The following MFHAS1 variants were observed in gnomAD, a reference collection of about 807,000 sequenced individuals.
MFHAS1 encodes multifunctional ROCO family signaling regulator 1.
In MFHAS1, 50 loss-of-function variants were observed where a neutral mutation model predicts 70.4. The ratio of observed to expected loss-of-function variants is 0.71; its 90% CI spans 0.57 to 0.90. The LOEUF (loss-of-function observed/expected upper bound fraction) is 0.90, where lower values mean the gene tolerates loss of function less well. MFHAS1 is among the 40% of genes least tolerant of loss of function. The pLI is 0.00. For synonymous variants in MFHAS1, 952 were observed against 620.0 expected (o/e 1.54, Z -7.96); for missense variants, 1,795 against 1,347.6 (o/e 1.33, Z -5.20).
Position 8,828,517 on chromosome 8 carries a change from G to A in MFHAS1, c.2999-31026C>T, listed in dbSNP as rs1479191144. On this transcript the variant is annotated intron_variant, in intron 1 of 2. Coordinates refer to ENST00000276282, the MANE Select transcript of MFHAS1 (RefSeq NM_004225.3). ...TCACAGAAAGAAGGTAACAGCCCGG[G>A]CCCTAGTCCACATTGCTCACACCAT... Among the ~76,000 whole-genome samples the A allele has an allele frequency of 2.0e-5, 3 of 152,156 alleles. No homozygotes were observed. In the East Asian group the frequency reaches 5.8e-4, roughly 29 times the overall value.
At chr8:8,840,981 T>G (rs1807800090) in intron 1 of MFHAS1, among the ~76,000 whole-genome samples, 1 of 152,200 alleles carries the variant, frequency 6.6e-6, no homozygotes, top group Non-Finnish European at 1.5e-5. Flanking sequence ...AACTATGACA[T>G]TGTATGTAAA....
Position 8,891,278 on chromosome 8 carries a change from G to A in MFHAS1, c.1781C>T (p.Ala594Val). Residue 594 changes from alanine to valine, a missense_variant, in exon 1 of 3, where the codon GCC becomes GTC. By Grantham distance (64) the Ala-to-Val change is moderately conservative (BLOSUM62 0). Coordinates refer to ENST00000276282, the MANE Select transcript of MFHAS1 (RefSeq NM_004225.3). This position sits in a 1 kb window ranked among gnomAD's most constrained non-coding sequence, Gnocchi z 5.4. The part of the protein sequence containing the change: ...FELRSASPHA[A>V]YYGVSDKNLR... ...GTTCTTGTCCGAAACGCCATAGTAG[G>A]CTGCGTGGGGGCTGGCAGAGCGCAG... The A allele has an allele frequency of 6.2e-7, 1 of 1,611,878 alleles. No individual in the cohort carries two copies. The highest frequency in any genetic ancestry group is 8.5e-7 in the Non-Finnish European group (1 of 1,180,036).
Position 8,893,536 on chromosome 8 carries a change from G to C in MFHAS1, c.-478C>G, listed in dbSNP as rs1810187233. On this transcript the variant is annotated 5_prime_UTR_variant, in exon 1 of 3. Coordinates refer to ENST00000276282, the MANE Select transcript of MFHAS1 (RefSeq NM_004225.3). ...GGGCTGGGGCGCAGCCGCGGGGAGG[G>C]GGCGGCGGCGCCTCCTTGTCTCCGT... The C allele has an allele frequency of 6.8e-6, 1 of 146,522 alleles. No individual in the cohort carries two copies. Among genetic ancestry groups the C allele is most frequent in the Non-Finnish European group, 1.5e-5 (1 of 65,768 alleles). The allele number at this position is 146,522 out of a possible 1,614,324, so 9.1% of individuals were successfully genotyped here. A position where few individuals can be genotyped will look rare whatever the true frequency, so the allele number is the denominator to read the frequency against.
intron 2 of MFHAS1, among the ~76,000 whole-genome samples, chr8:8,790,104 G>A (rs1028354232): frequency 6.6e-6 from 1 of 152,142 alleles, no homozygotes; most frequent in African/African-American, 2.4e-5. Context: ...TAAGATCACT[G>A]TCTATGCAAT....
intron 1 of MFHAS1, among the ~76,000 whole-genome samples, chr8:8,814,414 C>T (rs986543478): frequency 3.3e-5 from 5 of 152,174 alleles, no homozygotes; most frequent in African/African-American, 4.8e-5. Flanking sequence ...TAGGCTAGAC[C>T]ATCTAGGTTT....
chr8:8,804,177 T>A (rs1371946955), intron 1 of MFHAS1, among the ~76,000 whole-genome samples: 1 of 152,116 alleles, frequency 6.6e-6, no homozygotes, highest in Non-Finnish European at 1.5e-5. Context: ...TATCCTAAGG[T>A]ATGGTTCCAA....
intron 1 of MFHAS1, among the ~76,000 whole-genome samples, chr8:8,887,500 CAA>C (rs572080938): frequency 2.7e-5 from 4 of 150,242 alleles, no homozygotes; most frequent in African/African-American, 9.7e-5. Context: ...CAAAAAAAAA[CAA>C]AAAGACTATA....
rs200216891 is a variant in MFHAS1, at chr8:8,845,515, T to C, written c.2998+44546A>G. 6.6e-5 allele frequency among the ~76,000 whole-genome samples: 10 copies of C among 152,328 alleles called. No individual in the cohort carries two copies. The East Asian group carries it at 1.5e-3, about 23-fold the overall frequency. ...CGGAAACAGGTTCTCAATGAGACAC[T>C]TATAATTTCATTAAATGGCCTTTGA... On this transcript the variant is annotated intron_variant, in intron 1 of 2. Coordinates refer to ENST00000276282, the MANE Select transcript of MFHAS1 (RefSeq NM_004225.3).
chr8:8,830,055 T>C (rs545292428), intron 1 of MFHAS1, among the ~76,000 whole-genome samples: 3 of 152,268 alleles, frequency 2.0e-5, no homozygotes, highest in East Asian at 1.9e-4. Context: ...AGGTCGAAGC[T>C]GCTAGTCCAG....
chr8:8,839,417 G>C (rs1807721278), intron 1 of MFHAS1, among the ~76,000 whole-genome samples: 4 of 152,176 alleles, frequency 2.6e-5, no homozygotes, highest in Non-Finnish European at 5.9e-5. Context: ...TAAAGAGCCA[G>C]ACTATCCTTT....
At chr8:8,870,840 C>T (rs2116908480) in intron 1 of MFHAS1, among the ~76,000 whole-genome samples, 1 of 152,380 alleles carries the variant, frequency 6.6e-6, no homozygotes, top group East Asian at 1.9e-4. Context: ...TGGCTGGTCA[C>T]TGCCAATCCC....
intron 1 of MFHAS1, among the ~76,000 whole-genome samples, chr8:8,852,352 T>C (rs1209830910): frequency 2.0e-5 from 3 of 152,068 alleles, no homozygotes; most frequent in East Asian, 3.9e-4. Context: ...CATGCACCTG[T>C]AATCCCAGCT....
intron 1 of MFHAS1, among the ~76,000 whole-genome samples, chr8:8,841,718 C>A (rs1807833745): frequency 6.6e-6 from 1 of 152,136 alleles, no homozygotes; most frequent in Non-Finnish European, 1.5e-5. Context: ...CCTGGTTATA[C>A]TCTTCCCTGC....
intron 1 of MFHAS1, among the ~76,000 whole-genome samples, chr8:8,839,381 G>T (rs1240511031): frequency 6.6e-6 from 1 of 152,166 alleles, no homozygotes; most frequent in Non-Finnish European, 1.5e-5. Flanking sequence ...ACTGTAAAGT[G>T]TTATATATTT....
chr8:8,838,982 A>T (rs1165171341), intron 1 of MFHAS1, among the ~76,000 whole-genome samples: 1 of 152,168 alleles, frequency 6.6e-6, no homozygotes, highest in African/African-American at 2.4e-5. Context: ...TCCACTCTAT[A>T]CATGTGAAAG....
intron 2 of MFHAS1, among the ~76,000 whole-genome samples, chr8:8,791,244 C>G (rs911885923): frequency 6.6e-6 from 1 of 151,112 alleles, no homozygotes; most frequent in South Asian, 2.1e-4. Flanking sequence ...CAGACAGATA[C>G]GGTATCGCTG....
intron 1 of MFHAS1, among the ~76,000 whole-genome samples, chr8:8,859,273 G>A (rs752175045): frequency 4.6e-5 from 7 of 152,222 alleles, no homozygotes; most frequent in Non-Finnish European, 1.0e-4. Flanking sequence ...GAACCCAGGA[G>A]GTGGAAGTTG....
intron 2 of MFHAS1, among the ~76,000 whole-genome samples, chr8:8,786,656 A>C (rs1192762644): frequency 1.3e-5 from 2 of 151,586 alleles, no homozygotes; most frequent in African/African-American, 4.8e-5. Flanking sequence ...TGTTTTTCTC[A>C]TTTTTGCTTC....
chr8:8,829,825 A>G (rs920118964), intron 1 of MFHAS1, among the ~76,000 whole-genome samples: 1 of 152,194 alleles, frequency 6.6e-6, no homozygotes, highest in African/African-American at 2.4e-5. Flanking sequence ...AAATACAAAA[A>G]AGAGACTTGA....
Sources: gnomAD v4.1 joint callset for allele counts (sites outside exome capture counted in the v4.1 genomes callset) on GRCh38, gnomAD v4.1.1 for gene constraint, Gnocchi (gnomAD v3.1) non-coding constraint, MANE v1.5 for transcripts, NCBI Gene and HGNC (gene_info 2026-07-23, HGNC 2026-07-21) for gene names.